CCDC102B: variants seen among roughly 807,000 people sequenced by gnomAD.
The protein encoded by CCDC102B is coiled-coil domain containing 102B.
Under a neutral mutation model 57.4 loss-of-function variants are expected in CCDC102B, and 75 were observed. The ratio of observed to expected loss-of-function variants is 1.31; its 90% CI spans 1.08 to 1.58. The LOEUF is 1.58. CCDC102B is among the 40% of genes most tolerant of loss of function. CCDC102B has a pLI of 0.00. For synonymous variants in CCDC102B, 206 were observed against 201.9 expected (o/e 1.02, Z -0.17); for missense variants, 636 against 582.6 (o/e 1.09, Z -0.94).
chr18:68,993,896 G>A (rs1377565711), intron 6 of CCDC102B, among the ~76,000 whole-genome samples: 1 of 152,110 alleles, frequency 6.6e-6, no homozygotes, highest in Non-Finnish European at 1.5e-5. Context: ...CCTTCCCATA[G>A]TGTACGCCTA....
chr18:69,041,554 C>T (rs1426627886), intron 7 of CCDC102B, among the ~76,000 whole-genome samples: 1 of 152,082 alleles, frequency 6.6e-6, no homozygotes, highest in Admixed American at 6.6e-5. Context: ...GCCCAAAGCC[C>T]TTCCATTCAA....
At chr18:68,876,162 C>T (rs1044274533) in intron 5 of CCDC102B, among the ~76,000 whole-genome samples, 5 of 152,026 alleles carry the variant, frequency 3.3e-5, no homozygotes, top group Admixed American at 3.3e-4. Flanking sequence ...TAATAGTTAA[C>T]AGCAAAAAAG....
At chr18:68,947,971 T>C (rs769365564) in intron 6 of CCDC102B, among the ~76,000 whole-genome samples, 5 of 152,148 alleles carry the variant, frequency 3.3e-5, no homozygotes, top group Non-Finnish European at 7.4e-5. Context: ...ACCTCAATGG[T>C]AATTGTCCTA....
intron 2 of CCDC102B, among the ~76,000 whole-genome samples, chr18:68,732,920 C>T (rs1053233467): frequency 1.3e-4 from 20 of 151,988 alleles, no homozygotes; most frequent in African/African-American, 3.6e-4. Flanking sequence ...TCCTGGGCTG[C>T]GGACTTCCAT....
At chr18:68,841,241 C>T (rs766683285) in intron 3 of CCDC102B, among the ~76,000 whole-genome samples, 1 of 152,132 alleles carries the variant, frequency 6.6e-6, no homozygotes, top group Non-Finnish European at 1.5e-5. Flanking sequence ...GCATTCCCAT[C>T]TAGTGGGAAA....
chr18:68,945,331 T>C (rs1180191256), intron 6 of CCDC102B, among the ~76,000 whole-genome samples: 1 of 152,072 alleles, frequency 6.6e-6, no homozygotes. Context: ...TAAGTTCTCA[T>C]CAAAAATAAA....
chr18:68,875,723 T>G (rs2039417235), intron 5 of CCDC102B, among the ~76,000 whole-genome samples: 1 of 152,062 alleles, frequency 6.6e-6, no homozygotes, highest in Non-Finnish European at 1.5e-5. Flanking sequence ...GTCTCCAGAT[T>G]AAAATAATAG....
chr18:68,790,830 T>C (rs911448005), intron 2 of CCDC102B, among the ~76,000 whole-genome samples: 3 of 152,242 alleles, frequency 2.0e-5, no homozygotes, highest in African/African-American at 7.2e-5. Flanking sequence ...GAGCTGTTCC[T>C]ATTCAGCCAT....
chr18:68,838,092 G>A (rs996694457), intron 2 of CCDC102B, among the ~76,000 whole-genome samples: 1 of 152,096 alleles, frequency 6.6e-6, no homozygotes, highest in Non-Finnish European at 1.5e-5. Context: ...TAAATTGTAG[G>A]CAAATACCAA....
chr18:68,964,752 T>C (rs1445969978), intron 6 of CCDC102B, among the ~76,000 whole-genome samples: 1 of 151,898 alleles, frequency 6.6e-6, no homozygotes, highest in African/African-American at 2.4e-5. Context: ...TTCTTTTAGC[T>C]CATCTTTTAC....
intron 6 of CCDC102B, among the ~76,000 whole-genome samples, chr18:68,999,056 G>A (rs1453103421): frequency 2.1e-5 from 3 of 143,764 alleles, no homozygotes; most frequent in Non-Finnish European, 3.0e-5. Flanking sequence ...ATAAAATAAT[G>A]AACATTATTG....
chr18:68,976,865 A>G (rs1486821916), intron 6 of CCDC102B, among the ~76,000 whole-genome samples: 1 of 151,962 alleles, frequency 6.6e-6, no homozygotes, highest in Non-Finnish European at 1.5e-5. Context: ...TAAGTTACTA[A>G]AGAGGATTTC....
chr18:68,733,652 A>G (rs538891887), intron 2 of CCDC102B, among the ~76,000 whole-genome samples: 56 of 151,972 alleles, frequency 3.7e-4, no homozygotes, highest in Non-Finnish European at 7.2e-4. Context: ...GCTAATCTCT[A>G]TAGATAATTA....
chr18:68,977,002 G>C (rs2050455794), intron 6 of CCDC102B, among the ~76,000 whole-genome samples: 1 of 151,766 alleles, frequency 6.6e-6, no homozygotes, highest in Non-Finnish European at 1.5e-5. Context: ...CTTTTAAAAG[G>C]CTTTCTTTGT....
intron 1 of CCDC102B, among the ~76,000 whole-genome samples, chr18:68,798,730 A>G (rs1204279868): frequency 6.6e-6 from 1 of 152,118 alleles, no homozygotes; most frequent in Non-Finnish European, 1.5e-5. Context: ...TGCTACCTGT[A>G]TAGTGTGGAG....
intron 4 of CCDC102B, among the ~76,000 whole-genome samples, chr18:68,868,086 A>G (rs2039082652): frequency 6.6e-6 from 1 of 152,150 alleles, no homozygotes; most frequent in Admixed American, 6.5e-5. Context: ...CCAGAAAAAA[A>G]AACTTCTTAA....
At chr18:68,879,376 A>G (rs1020182829) in intron 5 of CCDC102B, among the ~76,000 whole-genome samples, 15 of 152,080 alleles carry the variant, frequency 9.9e-5, no homozygotes, top group Non-Finnish European at 2.1e-4. Flanking sequence ...AGGGGACTCG[A>G]GCGGGTTGCC....
At chr18:69,031,536 A>T (rs2052145550) in intron 7 of CCDC102B, among the ~76,000 whole-genome samples, 1 of 146,060 alleles carries the variant, frequency 6.8e-6, no homozygotes, top group Admixed American at 6.9e-5. Context: ...TCTAATTTTT[A>T]TCTGAATAAT....
In CCDC102B at chr18:68,857,499, A is replaced by C. The variant is rs1386690852; in HGVS notation, c.936+11078A>C. ...TATTGTAGACTTTATTTTTGCATATACATTTTTGCTTTCTTTCCTGTTCCA... is the reference window on the plus strand; with the variant it reads ...TATTGTAGACTTTATTTTTGCATATCCATTTTTGCTTTCTTTCCTGTTCCA... On this transcript the variant is annotated intron_variant, in intron 4 of 7. Transcript: ENST00000360242. 4.8e-5 allele frequency among the ~76,000 whole-genome samples: 7 copies of C among 146,568 alleles called. No individual in the cohort carries two copies. In the Admixed American group the frequency reaches 5.0e-4, roughly 10 times the overall value.
Sources: allele counts gnomAD v4.1 joint callset (sites outside exome capture counted in the v4.1 genomes callset), GRCh38; gene constraint gnomAD v4.1.1; transcripts MANE v1.5; gene names NCBI Gene and HGNC (gene_info 2026-07-23, HGNC 2026-07-21).